MTOR: variants seen among roughly 807,000 people sequenced by gnomAD.
MTOR encodes the protein serine/threonine-protein kinase mTOR.
Under a neutral mutation model 319.8 loss-of-function variants are expected in MTOR, and 70 were observed. That is an observed-to-expected ratio of 0.22 (90% CI 0.18 to 0.27). The LOEUF is 0.27. Among genes scored for constraint, MTOR ranks in the 10% least tolerant of loss-of-function variants. The pLI is 1.00. For synonymous variants in MTOR, 1,183 were observed against 1,211.4 expected (o/e 0.98, Z 0.49); for missense variants, 1,890 against 3,274.4 (o/e 0.58, Z 10.32).
At chr1:11,161,809 G>A (rs571892460) in intron 29 of MTOR, among the ~76,000 whole-genome samples, 6 of 152,226 alleles carry the variant, frequency 3.9e-5, no homozygotes, top group Admixed American at 2.6e-4. Flanking sequence ...AAGACCAAAG[G>A]CAGATAAAAC....
In MTOR at chr1:11,191,515, T is replaced by C. The variant is rs370691244; in HGVS notation, c.4253+7743A>G. ...TAGCAGGCAGGAAGCTTCTCTTGGA[T>C]AGTAAGGGCCGCAGTCTCTGAATCC... On this transcript the variant is annotated intron_variant, in intron 28 of 57. Transcript: ENST00000361445. Among the ~76,000 whole-genome samples, 62 of 152,034 alleles carry C rather than the reference T, an allele frequency of 4.1e-4. 1 individual carries two copies. The East Asian group carries it at 7.6e-3, about 19-fold the overall frequency.
In MTOR at chr1:11,234,137, T is replaced by C. The variant is rs761030701; in HGVS notation, c.2331+6A>G. 3.7e-6 allele frequency: 6 copies of C among 1,614,002 alleles called. No individual in the cohort carries two copies. In the South Asian group the frequency reaches 5.5e-5, roughly 15 times the overall value. On this transcript the variant is annotated splice_donor_region_variant and intron_variant, in intron 14 of 57. Transcript: ENST00000361445. Reference sequence around the variant, plus strand: ...GAGAAAGCACCAGCCTCTCGGTTTGTGTTACCTTCAGAATAGGCTCCATGT... The same window carrying C: ...GAGAAAGCACCAGCCTCTCGGTTTGCGTTACCTTCAGAATAGGCTCCATGT...
intron 32 of MTOR, among the ~76,000 whole-genome samples, chr1:11,146,001 C>T (rs908938012): frequency 3.7e-4 from 56 of 152,256 alleles, no homozygotes; most frequent in African/African-American, 1.3e-3. Flanking sequence ...ACAGAGACAA[C>T]CAAGATCTTG....
At chr1:11,150,374 A>C in intron 30 of MTOR, 148 bp from the exon 31 acceptor site, 2 of 618,472 alleles carry the variant, frequency 3.2e-6, no homozygotes, top group Non-Finnish European at 5.5e-6. Flanking sequence ...CATAATAGAG[A>C]ATCAATGGGC....
chr1:11,127,822 G>T lies in MTOR; in HGVS notation c.6034-16C>A. 6.2e-7 allele frequency: 1 copy of T among 1,607,148 alleles called. No individual in the cohort carries two copies. The highest frequency in any genetic ancestry group is 8.5e-7 in the Non-Finnish European group (1 of 1,176,570). On this transcript the variant is annotated splice_polypyrimidine_tract_variant and intron_variant, in intron 43 of 57. Coordinates refer to ENST00000361445, the MANE Select transcript of MTOR (RefSeq NM_004958.4). The surrounding 1 kb of genome is among the most constrained non-coding windows in gnomAD (Gnocchi z 5.5). ...CCTCGCTCACCTGAAGCCAAGAGAAGAAGGAGAGAAGCATCAAGAATCAGC... is the reference window on the plus strand; with the variant it reads ...CCTCGCTCACCTGAAGCCAAGAGAATAAGGAGAGAAGCATCAAGAATCAGC...
intron 19 of MTOR, among the ~76,000 whole-genome samples, chr1:11,221,901 G>A (rs979948398): frequency 6.6e-6 from 1 of 150,488 alleles, no homozygotes; most frequent in Admixed American, 6.6e-5. Flanking sequence ...TCTTCTTTGA[G>A]TGACTGTGCA....
chr1:11,131,090 C>G, intron 38 of MTOR: 1 of 424,568 alleles, frequency 2.4e-6, no homozygotes, highest in South Asian at 2.8e-5. Context: ...ACCTGAAGAC[C>G]TAGGTACTCT....
chr1:11,240,243 C>T (rs1298714889), intron 11 of MTOR, 60 bp downstream of exon 11: 1 of 1,509,518 alleles, frequency 6.6e-7, no homozygotes, highest in Non-Finnish European at 8.8e-7. Flanking sequence ...TACCTTCATT[C>T]CTTTCCCAAA....
At chr1:11,111,485 A>AG (rs2100298014) in intron 54 of MTOR, 1 of 135,424 alleles carries the variant, frequency 7.4e-6, no homozygotes, top group East Asian at 2.5e-4. Flanking sequence ...TGTCTCAAGA[A>AG]AAAAAAAAAA....
chr1:11,183,899 G>A (rs1448156700), intron 28 of MTOR, among the ~76,000 whole-genome samples: 1 of 152,166 alleles, frequency 6.6e-6, no homozygotes. Context: ...GTGCTACCTT[G>A]TTATAAATCA....
intron 28 of MTOR, among the ~76,000 whole-genome samples, chr1:11,172,840 C>T (rs377439230): frequency 4.8e-5 from 6 of 125,996 alleles, no homozygotes; most frequent in Admixed American, 9.4e-5. Flanking sequence ...CCAGCCTGAG[C>T]GAAAAAAGCA....
At chr1:11,153,607 T>C (rs1351369011) in intron 30 of MTOR, among the ~76,000 whole-genome samples, 1 of 152,234 alleles carries the variant, frequency 6.6e-6, no homozygotes, top group Non-Finnish European at 1.5e-5. Context: ...CTTATTAACA[T>C]ACTTTTCTTT....
At chr1:11,201,168 T>A (rs1645957206) in intron 26 of MTOR, among the ~76,000 whole-genome samples, 1 of 152,012 alleles carries the variant, frequency 6.6e-6, no homozygotes. Context: ...ATCTCTAAAA[T>A]CATAAAAAAA....
rs1646352630 is a variant in MTOR at position 11,212,779 on chromosome 1, A to G, written c.3398+17T>C. On this transcript the variant is annotated intron_variant, in intron 22 of 57. Transcript: ENST00000361445. This position sits in a 1 kb window ranked among gnomAD's most constrained non-coding sequence, Gnocchi z 4.1. ...TTAAAGCTTAAAGATTGCTAGTCCC[A>G]AAGAGGAGGTGCTCACTTTCGAGAT... 1.9e-6 allele frequency: 3 copies of G among 1,585,132 alleles called. No homozygotes were observed. Among genetic ancestry groups the G allele is most frequent in the Non-Finnish European group, 2.6e-6 (3 of 1,153,690 alleles).
At chr1:11,164,608 C>G (rs1333196474) in intron 29 of MTOR, among the ~76,000 whole-genome samples, 1 of 152,032 alleles carries the variant, frequency 6.6e-6, no homozygotes, top group Non-Finnish European at 1.5e-5. Flanking sequence ...AATTAATAGC[C>G]TACCAAACAA....
chr1:11,186,377 A>T (rs1645324848), intron 28 of MTOR, among the ~76,000 whole-genome samples: 1 of 152,180 alleles, frequency 6.6e-6, no homozygotes, highest in Admixed American at 6.5e-5. Flanking sequence ...CCTTGGTGCC[A>T]GCCCAAGGCA....
intron 54 of MTOR, among the ~76,000 whole-genome samples, 168 bp downstream of exon 54, chr1:11,112,684 G>A (rs772935400): frequency 7.9e-5 from 12 of 152,066 alleles, no homozygotes; most frequent in African/African-American, 1.2e-4. Flanking sequence ...AGCCTCCCAC[G>A]GGATGCACCC....
At position 11,230,925 on chromosome 1, in the gene MTOR, A is replaced by C; in HGVS notation, c.2779T>G (p.Ser927Ala). ...TCTTTCATGGCTACCCCCAACTTAC[A>C]GGAATCCTGACTTGACTTGGATTCT... The part of the protein sequence containing the change: ...LSESKSSQDS[S>A]DYSTSEMLVN... The change falls in exon 18 of 58, where the codon TCT becomes GCT. Residue 927 changes from serine (S) to alanine (A), a missense_variant and splice_region_variant. Coordinates refer to ENST00000361445, the MANE Select transcript of MTOR (RefSeq NM_004958.4). The C allele has an allele frequency of 6.2e-7, 1 of 1,613,828 alleles. No homozygotes were observed. The highest frequency in any genetic ancestry group is 1.1e-5 in the South Asian group (1 of 91,044).
At position 11,133,615 on chromosome 1, in the gene MTOR, A is replaced by C. The variant is rs1643266184; in HGVS notation, c.5247-418T>G. ...CATTTACTGACTGCTACTGTATTCC[A>C]AGTGCTGCTTGAAATGCTTGGCATT... On this transcript the variant is annotated intron_variant, in intron 37 of 57. Coordinates refer to ENST00000361445, the MANE Select transcript of MTOR (RefSeq NM_004958.4). The surrounding 1 kb of genome is among the most constrained non-coding windows in gnomAD (Gnocchi z 4.0). Among the ~76,000 whole-genome samples, 1 of 152,180 alleles carries C rather than the reference A, an allele frequency of 6.6e-6. No homozygotes were observed. The highest frequency in any genetic ancestry group is 2.4e-5 in the African/African-American group (1 of 41,438).
Sources: allele counts gnomAD v4.1 joint callset (sites outside exome capture counted in the v4.1 genomes callset), GRCh38; gene constraint gnomAD v4.1.1; non-coding constraint Gnocchi (gnomAD v3.1); transcripts MANE v1.5; gene names NCBI Gene and HGNC (gene_info 2026-07-23, HGNC 2026-07-21).